NKAIN2: variants seen among roughly 807,000 people sequenced by gnomAD.
NKAIN2 encodes the protein sodium/potassium transporting ATPase interacting 2.
In NKAIN2, 14 loss-of-function variants were observed where a neutral mutation model predicts 32.6. That is an observed-to-expected ratio of 0.43 (90% CI 0.28 to 0.67). NKAIN2 has a LOEUF of 0.67. Among genes scored for constraint, NKAIN2 ranks in the 30% least tolerant of loss-of-function variants. The pLI, the probability that NKAIN2 is intolerant of heterozygous loss-of-function variation, is 0.17. For missense variants in NKAIN2, 198 were observed against 258.3 expected (o/e 0.77, Z 1.60); for synonymous variants, 80 against 87.2 (o/e 0.92, Z 0.46).
At chr6:124,807,794 A>C (rs891476877) in intron 5 of NKAIN2, among the ~76,000 whole-genome samples, 1 of 151,278 alleles carries the variant, frequency 6.6e-6, no homozygotes, top group African/African-American at 2.4e-5. Flanking sequence ...AAAAATGATA[A>C]AGGGGATATC....
chr6:124,609,788 TAGAC>T (rs1782626119), intron 3 of NKAIN2, among the ~76,000 whole-genome samples: 1 of 152,050 alleles, frequency 6.6e-6, no homozygotes, highest in South Asian at 2.1e-4. Context: ...GTACCGTAAA[TAGAC>T]AGAGTGGGGT....
chr6:124,248,625 T>C (rs570733032), intron 1 of NKAIN2, among the ~76,000 whole-genome samples: 103 of 152,258 alleles, frequency 6.8e-4, no homozygotes, highest in African/African-American at 2.3e-3. Context: ...TTAAGTAGTT[T>C]ATAATTGTGT....
chr6:124,719,365 A>T (rs6569395), intron 4 of NKAIN2, among the ~76,000 whole-genome samples: 2 of 151,872 alleles, frequency 1.3e-5, no homozygotes, highest in Non-Finnish European at 2.9e-5. Context: ...ATGTTTAGCA[A>T]CATGTTACTT....
intron 2 of NKAIN2, among the ~76,000 whole-genome samples, chr6:124,287,263 A>G (rs748335830): frequency 3.3e-5 from 5 of 152,198 alleles, no homozygotes; most frequent in Admixed American, 2.0e-4. Context: ...GTTTTCTGAT[A>G]TTGAGACTGA....
rs1355742083 is a variant in NKAIN2, at chr6:123,995,938, C to T, written c.54+191684C>T. ...AAAATTTATGGTTAGAGGCAAGTACCACCCATACTCAAATAAATTTATTTT... is the reference window on the plus strand; with the variant it reads ...AAAATTTATGGTTAGAGGCAAGTACTACCCATACTCAAATAAATTTATTTT... On this transcript the variant is annotated intron_variant, in intron 1 of 6. Coordinates refer to ENST00000368417, the MANE Select transcript of NKAIN2 (RefSeq NM_001040214.3). Among the ~76,000 whole-genome samples the T allele has an allele frequency of 3.9e-5, 6 of 151,986 alleles. No individual in the cohort carries two copies. The East Asian group carries it at 9.6e-4, about 24-fold the overall frequency.
chr6:124,174,077 T>C (rs924973788), intron 1 of NKAIN2, among the ~76,000 whole-genome samples: 1 of 152,168 alleles, frequency 6.6e-6, no homozygotes, highest in Non-Finnish European at 1.5e-5. Flanking sequence ...AAATCTGATA[T>C]CATTGCAGTC....
intron 5 of NKAIN2, among the ~76,000 whole-genome samples, chr6:124,806,171 C>T (rs953347045): frequency 5.3e-5 from 8 of 152,054 alleles, no homozygotes; most frequent in African/African-American, 1.9e-4. Context: ...AAGAGCAACT[C>T]CAAGACATAT....
At chr6:123,953,053 A>T (rs1312800706) in intron 1 of NKAIN2, among the ~76,000 whole-genome samples, 1 of 152,164 alleles carries the variant, frequency 6.6e-6, no homozygotes, top group Non-Finnish European at 1.5e-5. Flanking sequence ...TGCTGAAGTT[A>T]TGTCTATGGT....
intron 5 of NKAIN2, among the ~76,000 whole-genome samples, chr6:124,806,122 T>C (rs1178880451): frequency 1.3e-5 from 2 of 152,004 alleles, no homozygotes; most frequent in African/African-American, 4.8e-5. Context: ...ACGTTCAGAT[T>C]CAGGAAATAC....
chr6:124,612,891 C>T (rs1782745084), intron 3 of NKAIN2, among the ~76,000 whole-genome samples: 1 of 152,062 alleles, frequency 6.6e-6, no homozygotes, highest in South Asian at 2.1e-4. Context: ...TTTGGAGGAA[C>T]ATCTGACATT....
chr6:124,367,122 G>T (rs1415491170), intron 3 of NKAIN2, among the ~76,000 whole-genome samples: 2 of 152,114 alleles, frequency 1.3e-5, no homozygotes, highest in Non-Finnish European at 2.9e-5. Context: ...CTACTACACA[G>T]TAGTGAGGAA....
intron 1 of NKAIN2, among the ~76,000 whole-genome samples, chr6:123,814,921 C>T (rs1421623271): frequency 2.0e-5 from 3 of 152,168 alleles, no homozygotes; most frequent in Non-Finnish European, 2.9e-5. Context: ...TGCTGTGTTG[C>T]AGTCATGATC....
At chr6:124,568,846 A>AAAAG (rs1424727542) in intron 3 of NKAIN2, among the ~76,000 whole-genome samples, 4 of 141,426 alleles carry the variant, frequency 2.8e-5, no homozygotes, top group African/African-American at 7.6e-5. Context: ...AAAAAAAAAA[A>AAAAG]GGAACTGCCT....
At chr6:124,172,097 C>T (rs962926161) in intron 1 of NKAIN2, among the ~76,000 whole-genome samples, 7 of 152,222 alleles carry the variant, frequency 4.6e-5, no homozygotes, top group African/African-American at 1.7e-4. Flanking sequence ...CAGGCGTGAG[C>T]CACTGTGCCC....
rs115599049 is a variant in NKAIN2 at position 124,220,311 on chromosome 6, A to C, written c.55-62694A>C. Among the ~76,000 whole-genome samples, 214 of 152,108 alleles carry C rather than the reference A, an allele frequency of 1.4e-3. 2 individuals are homozygous for C. Among genetic ancestry groups the C allele is most frequent in the African/African-American group, 5.1e-3 (211 of 41,484 alleles). ...TCCACCATGATTGTTCATTTCCTGA[A>C]GCCTCCCCAGCCATGCCAAACTGTG... On this transcript the variant is annotated intron_variant, in intron 1 of 6. Coordinates refer to ENST00000368417, the MANE Select transcript of NKAIN2 (RefSeq NM_001040214.3).
chr6:124,336,990 A>G (rs1443483730), intron 2 of NKAIN2, among the ~76,000 whole-genome samples: 1 of 152,048 alleles, frequency 6.6e-6, no homozygotes, highest in Non-Finnish European at 1.5e-5. Context: ...TTTTTTAATG[A>G]ATCTTACCAA....
At chr6:124,326,716 C>T (rs1227527769) in intron 2 of NKAIN2, among the ~76,000 whole-genome samples, 1 of 152,120 alleles carries the variant, frequency 6.6e-6, no homozygotes, top group Non-Finnish European at 1.5e-5. Flanking sequence ...TGGAGATAGA[C>T]TTGCCAGATA....
intron 4 of NKAIN2, among the ~76,000 whole-genome samples, chr6:124,789,490 C>T (rs1779648742): frequency 6.6e-6 from 1 of 152,064 alleles, no homozygotes; most frequent in African/African-American, 2.4e-5. Flanking sequence ...ATCCAAGTAC[C>T]AATGACAAGC....
At chr6:124,373,892 T>C (rs1262990106) in intron 3 of NKAIN2, among the ~76,000 whole-genome samples, 1 of 152,128 alleles carries the variant, frequency 6.6e-6, no homozygotes, top group Non-Finnish European at 1.5e-5. Context: ...GGCTTTTTCA[T>C]GAGGTCTTGT....
Sources: gnomAD v4.1 joint callset for allele counts (sites outside exome capture counted in the v4.1 genomes callset) on GRCh38, gnomAD v4.1.1 for gene constraint, MANE v1.5 for transcripts, NCBI Gene and HGNC (gene_info 2026-07-23, HGNC 2026-07-21) for gene names.